The following IRAG1 variants were observed in gnomAD, a reference collection of about 807,000 sequenced individuals.
The protein encoded by IRAG1 is inositol 1,4,5-triphosphate receptor associated 1, also known as IP3R-associated cGMP kinase substrate.
IRAG1 carries 62 observed loss-of-function variants against 106.2 expected under a neutral mutation model. That is an observed-to-expected ratio of 0.58 (90% CI 0.48 to 0.72). The LOEUF (loss-of-function observed/expected upper bound fraction) is 0.72. Among genes scored for constraint, IRAG1 ranks in the 30% least tolerant of loss-of-function variants. The pLI is 0.00. For synonymous variants in IRAG1, 462 were observed against 443.9 expected (o/e 1.04, Z -0.51); for missense variants, 1,064 against 1,140.7 (o/e 0.93, Z 0.97).
At chr11:10,667,787 A>T (rs748278586) in intron 1 of IRAG1, among the ~76,000 whole-genome samples, 1 of 152,178 alleles carries the variant, frequency 6.6e-6, no homozygotes, top group Non-Finnish European at 1.5e-5. Context: ...TAAAATGAAG[A>T]TTCCTACACC....
chr11:10,606,764 G>A lies in IRAG1; in HGVS notation c.1580C>T (p.Pro527Leu). Residue 527 changes from proline to leucine, a missense_variant, in exon 12 of 21, where the codon CCA (proline) becomes CTA (leucine). Pro to Leu is a moderately conservative substitution (Grantham distance 98). Coordinates refer to ENST00000423302, the MANE Select transcript of IRAG1 (RefSeq NM_130385.4). ...VHRSLPGSAP[P>L]LTEKEVENVF... is the part of the protein sequence containing the mutation. ...TACCTCAACTTCCTTTTCAGTGAGTGGAGGGGCACTGTGAAAAAGAAAACA... is the reference window on the plus strand; with the variant it reads ...TACCTCAACTTCCTTTTCAGTGAGTAGAGGGGCACTGTGAAAAAGAAAACA... 1.3e-6 allele frequency: 2 copies of A among 1,591,458 alleles called. No homozygotes were observed. The highest frequency in any genetic ancestry group is 2.3e-5 in the East Asian group (1 of 44,342).
intron 1 of IRAG1, among the ~76,000 whole-genome samples, chr11:10,673,795 G>T (rs555525904): frequency 6.6e-6 from 1 of 152,020 alleles, no homozygotes; most frequent in Admixed American, 6.6e-5. Context: ...AATTAAGCTC[G>T]ATGATTTATA....
chr11:10,609,165 C>T (rs1056589842), intron 11 of IRAG1, among the ~76,000 whole-genome samples: 74 of 152,320 alleles, frequency 4.9e-4, no homozygotes, highest in African/African-American at 1.7e-3. Context: ...TACTTTATCA[C>T]AGAGGCCTTT....
intron 17 of IRAG1, among the ~76,000 whole-genome samples, chr11:10,592,998 G>A (rs1027646020): frequency 1.3e-5 from 2 of 152,164 alleles, no homozygotes; most frequent in Non-Finnish European, 2.9e-5. Flanking sequence ...ATATCCATTT[G>A]CTTAACCAAT....
At chr11:10,625,190 C>T (rs905298014) in intron 9 of IRAG1, among the ~76,000 whole-genome samples, 7 of 152,206 alleles carry the variant, frequency 4.6e-5, no homozygotes, top group African/African-American at 1.7e-4. Flanking sequence ...CCCTGCCCCA[C>T]ATTTCCCTCT....
intron 10 of IRAG1, among the ~76,000 whole-genome samples, chr11:10,614,502 G>C (rs1855233839): frequency 6.6e-6 from 1 of 152,130 alleles, no homozygotes; most frequent in African/African-American, 2.4e-5. Flanking sequence ...TAAGCCAAAA[G>C]AACAAAGCTG....
chr11:10,687,705 G>T (rs1431851209), intron 1 of IRAG1: 2 of 1,288,272 alleles, frequency 1.6e-6, no homozygotes, highest in African/African-American at 3.0e-5. Context: ...TGTTTTTGGA[G>T]TTGAGAATAG....
chr11:10,653,072 G>A (rs1298245222), intron 1 of IRAG1, among the ~76,000 whole-genome samples: 1 of 152,098 alleles, frequency 6.6e-6, no homozygotes, highest in African/African-American at 2.4e-5. Context: ...ACTGGCTCAG[G>A]GATAGACAAT....
In IRAG1 at chr11:10,631,690, T is replaced by G. The variant is rs1375804145; in HGVS notation, c.400+301A>C. ...CTACTCCAACCTGGATGTGGGCCTCTTTAGCAGAGGCTGGAGGACTCTGCC... is the reference window on the plus strand; with the variant it reads ...CTACTCCAACCTGGATGTGGGCCTCGTTAGCAGAGGCTGGAGGACTCTGCC... On this transcript the variant is annotated intron_variant, in intron 4 of 20. Transcript: ENST00000423302. Among the ~76,000 whole-genome samples the G allele has an allele frequency of 2.0e-5, 3 of 152,364 alleles. No homozygotes were observed. In the East Asian group the frequency reaches 5.8e-4, roughly 29 times the overall value.
chr11:10,684,015 G>A (rs1861469626), intron 1 of IRAG1, among the ~76,000 whole-genome samples: 1 of 151,878 alleles, frequency 6.6e-6, no homozygotes, highest in South Asian at 2.1e-4. Flanking sequence ...TTATAATAAA[G>A]AAATATACAT....
intron 18 of IRAG1, among the ~76,000 whole-genome samples, chr11:10,590,133 A>T (rs747692529): frequency 1.3e-4 from 20 of 152,154 alleles, no homozygotes; most frequent in African/African-American, 4.1e-4. Flanking sequence ...TCAGAGCATG[A>T]GGTGACCATT....
At position 10,686,145 on chromosome 11, in the gene IRAG1, G is replaced by A. The variant is rs545987504; in HGVS notation, c.67+7391C>T. Among the ~76,000 whole-genome samples, 17 of 152,268 alleles carry A rather than the reference G, an allele frequency of 1.1e-4. No homozygotes were observed. The East Asian group carries it at 3.1e-3, about 28-fold the overall frequency. ...ACTCCCATGTGCTCAATATTAATCT[G>A]GGCTTCAATAATAATAATTACTTAT... On this transcript the variant is annotated intron_variant, in intron 1 of 20. Coordinates refer to ENST00000423302, the MANE Select transcript of IRAG1 (RefSeq NM_130385.4).
chr11:10,586,779 GATGTATGTTTT>G (rs1852054028), intron 18 of IRAG1, among the ~76,000 whole-genome samples: 1 of 152,024 alleles, frequency 6.6e-6, no homozygotes, highest in Non-Finnish European at 1.5e-5. Flanking sequence ...GGGAGGCATT[GATGTATGTTTT>G]AGATACCTGC....
chr11:10,674,390 GGC>G (rs1469768773), intron 1 of IRAG1, among the ~76,000 whole-genome samples: 1 of 152,130 alleles, frequency 6.6e-6, no homozygotes, highest in Non-Finnish European at 1.5e-5. Flanking sequence ...TACAAGTATG[GGC>G]ACAAATGGGG....
chr11:10,667,183 C>G (rs1859854857), intron 1 of IRAG1, among the ~76,000 whole-genome samples: 2 of 151,710 alleles, frequency 1.3e-5, no homozygotes, highest in Non-Finnish European at 2.9e-5. Context: ...TTGGAGTCAC[C>G]CTGGATCCCA....
chr11:10,645,210 C>T (rs1439909323), intron 2 of IRAG1, among the ~76,000 whole-genome samples: 1 of 152,104 alleles, frequency 6.6e-6, no homozygotes, highest in Admixed American at 6.5e-5. Context: ...GAGTGCCTAC[C>T]ATGTGTATGT....
chr11:10,586,972 G>C (rs1852078311), intron 18 of IRAG1, among the ~76,000 whole-genome samples: 1 of 152,194 alleles, frequency 6.6e-6, no homozygotes, highest in Non-Finnish European at 1.5e-5. Flanking sequence ...GTTATTTCCT[G>C]AGAACCCAGT....
Position 10,657,479 on chromosome 11 carries a change from C to G in IRAG1, c.68-5297G>C, listed in dbSNP as rs141774957. Among the ~76,000 whole-genome samples the G allele has an allele frequency of 2.6e-5, 4 of 152,250 alleles. No individual in the cohort carries two copies. In the South Asian group the frequency reaches 8.3e-4, roughly 32 times the overall value. On this transcript the variant is annotated intron_variant, in intron 1 of 20. Coordinates refer to ENST00000423302, the MANE Select transcript of IRAG1 (RefSeq NM_130385.4). This position sits in a 1 kb window ranked among gnomAD's most constrained non-coding sequence, Gnocchi z 4.1. ...ACCACAGTATCCCAGGAGCACAGCC[C>G]GTAAGCTAAGCGGCTCTCAGATTCT...
chr11:10,581,768 G>A (rs1370054859), intron 19 of IRAG1, 99 bp downstream of exon 19: 1 of 1,444,768 alleles, frequency 6.9e-7, no homozygotes, highest in Non-Finnish European at 9.3e-7. Context: ...TGCGGCCACT[G>A]GTTACTTCCC....
Sources: allele counts gnomAD v4.1 joint callset (sites outside exome capture counted in the v4.1 genomes callset), GRCh38; gene constraint gnomAD v4.1.1; non-coding constraint Gnocchi (gnomAD v3.1); transcripts MANE v1.5; gene names NCBI Gene and HGNC (gene_info 2026-07-23, HGNC 2026-07-21).